SYNRG: variants seen among roughly 807,000 people sequenced by gnomAD.
The protein encoded by SYNRG is synergin gamma.
Under a neutral mutation model 130.9 loss-of-function variants are expected in SYNRG, and 37 were observed. That is an observed-to-expected ratio of 0.28 (90% CI 0.22 to 0.37). The LOEUF is 0.37. Among genes scored for constraint, SYNRG ranks in the 10% least tolerant of loss-of-function variants. SYNRG has a pLI of 1.00. For synonymous variants in SYNRG, 539 were observed against 568.1 expected, an observed-to-expected ratio of 0.95 and a Z score of 0.73; for missense variants, 1,338 against 1,588.9, an observed-to-expected ratio of 0.84 and a Z score of 2.68.
intron 19 of SYNRG, among the ~76,000 whole-genome samples, chr17:37,524,124 T>A (rs2055521251): frequency 1.3e-5 from 2 of 152,138 alleles, no homozygotes; most frequent in Non-Finnish European, 2.9e-5. Context: ...CAGTCAAGCA[T>A]CTGGGAGCCT....
chr17:37,524,399 A>G (rs900851760), intron 19 of SYNRG, among the ~76,000 whole-genome samples: 1 of 152,248 alleles, frequency 6.6e-6, no homozygotes, highest in Non-Finnish European at 1.5e-5. Flanking sequence ...ACCATGAACT[A>G]GCTCCACAAA....
At chr17:37,566,171 T>C (rs2059974387) in intron 11 of SYNRG, among the ~76,000 whole-genome samples, 1 of 152,206 alleles carries the variant, frequency 6.6e-6, no homozygotes, top group African/African-American at 2.4e-5. Flanking sequence ...AGGATGACAA[T>C]GGCGGCTTTG....
rs199951327 is a variant in SYNRG at position 37,596,329 on chromosome 17, A to G, written c.134T>C (p.Met45Thr). 2.0e-5 allele frequency: 33 copies of G among 1,614,008 alleles called. No individual in the cohort carries two copies. The highest frequency in any genetic ancestry group is 2.7e-5 in the Non-Finnish European group (32 of 1,180,002). Residue 45 changes from methionine (M) to threonine (T), a missense_variant, in exon 3 of 22, where the codon ATG becomes ACG. Physicochemically the swap from Met to Thr is moderately conservative, Grantham distance 81. Transcript: ENST00000612223. ...GACCATAGGAAATCCTTGTTGCTGC[A>G]TCGGCATCAGGCCTGCTGAAAATAT... ...IRPPQAGLMP[M>T]QQQGFPMVSV...
chr17:37,571,818 G>A lies in SYNRG; in HGVS notation c.1071C>T (p.Thr357=), dbSNP rs373698815. The change falls in exon 9 of 22, where the codon ACC becomes ACT. Residue 357 remains threonine (T), a synonymous_variant. Transcript: ENST00000612223. The part of the protein sequence containing the change: ...PGKLTKEELY[T]VLAMIAVTQR... Reference sequence around the variant, plus strand: ...GTGTTACCGCTATCATGGCTAGAACGGTATAAAGTTCTTCTTTTGTAAGTT... The same window carrying A: ...GTGTTACCGCTATCATGGCTAGAACAGTATAAAGTTCTTCTTTTGTAAGTT... 2.6e-5 allele frequency: 42 copies of A among 1,613,736 alleles called. No individual in the cohort carries two copies. The highest frequency in any genetic ancestry group is 7.7e-5 in the South Asian group (7 of 91,010).
At chr17:37,609,223 GC>G (rs1231989289) in intron 1 of SYNRG, 55 bp downstream of exon 1, 29 of 1,377,762 alleles carry the variant, frequency 2.1e-5, no homozygotes, top group Admixed American at 3.7e-5. Context: ...ACTGCCAAGC[GC>G]CCCTCGCCGC....
intron 11 of SYNRG, among the ~76,000 whole-genome samples, chr17:37,566,178 T>C (rs2059975873): frequency 6.6e-6 from 1 of 152,224 alleles, no homozygotes; most frequent in South Asian, 2.1e-4. Context: ...CAATGGCGGC[T>C]TTGTGGAATA....
chr17:37,565,586 T>A (rs1295817549), intron 11 of SYNRG, among the ~76,000 whole-genome samples: 1 of 150,280 alleles, frequency 6.7e-6, no homozygotes, highest in African/African-American at 2.5e-5. Flanking sequence ...CGCCATCCCA[T>A]CTAGGAAGTG....
At chr17:37,548,825 T>TTA (rs1283409636) in intron 14 of SYNRG, among the ~76,000 whole-genome samples, 2 of 100,980 alleles carry the variant, frequency 2.0e-5, no homozygotes, top group Admixed American at 2.1e-4. Flanking sequence ...AACTCTGTCT[T>TTA]AAAAAAAAAA....
At chr17:37,538,807 C>A (rs1211562477) in intron 17 of SYNRG, among the ~76,000 whole-genome samples, 2 of 152,196 alleles carry the variant, frequency 1.3e-5, no homozygotes, top group African/African-American at 2.4e-5. Flanking sequence ...GTTGGTCAGG[C>A]TGGTCTCAAA....
chr17:37,605,252 AATAC>A (rs2063649318), intron 1 of SYNRG, among the ~76,000 whole-genome samples: 2 of 152,384 alleles, frequency 1.3e-5, no homozygotes, highest in East Asian at 3.9e-4. Flanking sequence ...AGGAGCAATG[AATAC>A]ATTTAAGTAA....
intron 3 of SYNRG, among the ~76,000 whole-genome samples, chr17:37,587,959 GTTAAT>G (rs1453758826): frequency 6.6e-6 from 1 of 152,050 alleles, no homozygotes; most frequent in African/African-American, 2.4e-5. Context: ...TCTCCCACCT[GTTAAT>G]TTATTTTTTT....
intron 19 of SYNRG, among the ~76,000 whole-genome samples, chr17:37,527,871 G>C (rs2056140407): frequency 6.6e-6 from 1 of 152,120 alleles, no homozygotes; most frequent in Non-Finnish European, 1.5e-5. Context: ...ACATCAAGGA[G>C]CCACAATTTG....
chr17:37,573,166 T>A (rs1297348008), intron 8 of SYNRG, among the ~76,000 whole-genome samples: 1 of 152,032 alleles, frequency 6.6e-6, no homozygotes, highest in African/African-American at 2.4e-5. Context: ...TGCTTTGGGA[T>A]GCTGAGGTGG....
At chr17:37,595,030 C>T (rs1229231410) in intron 3 of SYNRG, among the ~76,000 whole-genome samples, 3 of 152,128 alleles carry the variant, frequency 2.0e-5, no homozygotes, top group African/African-American at 4.8e-5. Flanking sequence ...ATATGTATCA[C>T]GAGTGAGGAA....
chr17:37,592,593 A>T (rs1440729270), intron 3 of SYNRG, among the ~76,000 whole-genome samples: 1 of 152,088 alleles, frequency 6.6e-6, no homozygotes, highest in Non-Finnish European at 1.5e-5. Context: ...CATCGATTAT[A>T]AAAAAAATGA....
chr17:37,577,847 C>T (rs898904417), intron 6 of SYNRG, among the ~76,000 whole-genome samples: 11 of 101,308 alleles, frequency 1.1e-4, no homozygotes, highest in African/African-American at 3.5e-4. Flanking sequence ...TATAGGCGCC[C>T]GCCACCAAGC....
At chr17:37,520,507 T>C in intron 20 of SYNRG, 31 bp downstream of exon 20, 2 of 1,596,704 alleles carry the variant, frequency 1.3e-6, no homozygotes, top group Non-Finnish European at 1.7e-6. Context: ...GGGAAGCCCT[T>C]TGCTGTCTGC....
chr17:37,567,382 T>A (rs1354627601), intron 11 of SYNRG: 1 of 152,208 alleles, frequency 6.6e-6, no homozygotes, highest in Non-Finnish European at 1.5e-5. Context: ...TTATGTGGCT[T>A]TGAGTAGGAA....
chr17:37,561,431 A>C, intron 12 of SYNRG, 40 bp downstream of exon 12: 1 of 1,543,040 alleles, frequency 6.5e-7, no homozygotes, highest in East Asian at 2.3e-5. Flanking sequence ...ATAGTATGCA[A>C]TTTAGCATTC....
Sources: allele counts gnomAD v4.1 joint callset (sites outside exome capture counted in the v4.1 genomes callset), GRCh38; gene constraint gnomAD v4.1.1; transcripts MANE v1.5; gene names NCBI Gene and HGNC (gene_info 2026-07-23, HGNC 2026-07-21).